PHPT1: variants seen among roughly 807,000 people sequenced by gnomAD.
PHPT1 encodes 14 kDa phosphohistidine phosphatase.
In PHPT1, 16 loss-of-function variants were observed where a neutral mutation model predicts 15.6. The ratio of observed to expected loss-of-function variants is 1.03; its 90% confidence interval spans 0.70 to 1.56. The LOEUF (loss-of-function observed/expected upper bound fraction) is 1.56. Ranked by LOEUF, PHPT1 falls within the 40% of genes most tolerant of loss-of-function variation. The probability of loss-of-function intolerance (pLI) is 0.00; values close to 1 mark genes in which losing one functional copy is unlikely to be tolerated. For missense variants in PHPT1, 228 were observed against 171.0 expected (o/e 1.33, Z -1.86); for synonymous variants, 102 against 68.1 (o/e 1.50, Z -2.45).
intron 2 of PHPT1, 181 bp from the exon 3 acceptor site, chr9:136,850,574 T>C (rs747693969): frequency 1.2e-6 from 2 of 1,609,428 alleles, no homozygotes; most frequent in Admixed American, 3.4e-5. Flanking sequence ...TGCTTGCCTG[T>C]GGAGGTCGCC....
chr9:136,850,149 C>T lies in PHPT1; in HGVS notation c.285+12C>T, dbSNP rs1350293152. The T allele has an allele frequency of 1.9e-6, 3 of 1,612,902 alleles. No individual in the cohort carries two copies. Among genetic ancestry groups the T allele is most frequent in the Admixed American group, 3.3e-5 (2 of 60,012 alleles). On this transcript the variant is annotated intron_variant, in intron 2 of 2. Coordinates refer to ENST00000247665, the MANE Select transcript of PHPT1 (RefSeq NM_014172.6). Reference sequence around the variant, plus strand: ...ACGGCTATTCCATGGTGAGCCGCAGCCCCGTCCCGCCCTGCCGGAGGCCCC... The same window carrying T: ...ACGGCTATTCCATGGTGAGCCGCAGTCCCGTCCCGCCCTGCCGGAGGCCCC...
chr9:136,850,504 A>C (rs780492147), intron 2 of PHPT1: 4 of 1,611,722 alleles, frequency 2.5e-6, no homozygotes, highest in Non-Finnish European at 3.4e-6. Flanking sequence ...AACCACCAGC[A>C]GATGAGACCC....
At chr9:136,849,850 A>G (rs1588386610) in intron 1 of PHPT1, 163 bp from the exon 2 acceptor site, 2 of 820,672 alleles carry the variant, frequency 2.4e-6, no homozygotes, top group East Asian at 5.0e-5. Context: ...CCCCGGTTCC[A>G]CCCTCCTTCG....
At chr9:136,849,967 T>C in intron 1 of PHPT1, 46 bp from the exon 2 acceptor site, 2 of 1,583,956 alleles carry the variant, frequency 1.3e-6, no homozygotes, top group Admixed American at 3.4e-5. Context: ...TCCCGCGGCC[T>C]CCAAGGGCGG....
chr9:136,849,853 C>T, intron 1 of PHPT1, 160 bp from the exon 2 acceptor site: 1 of 832,694 alleles, frequency 1.2e-6, no homozygotes, highest in South Asian at 1.7e-5. Context: ...CGGTTCCACC[C>T]TCCTTCGCTC....
In PHPT1 at chr9:136,849,505, C is replaced by T. The variant is rs1022340950; in HGVS notation, c.75C>T (p.Ile25=). The T allele has an allele frequency of 1.9e-6, 3 of 1,611,756 alleles. No individual in the cohort carries two copies. The highest frequency in any genetic ancestry group is 2.5e-6 in the Non-Finnish European group (3 of 1,179,598). ...DSDGVFKYVL[I]RVHSAPRSGA... ...ACGGCGTCTTCAAGTATGTGCTGATCCGAGTCCACTCGGCTCCCCGCTCCG... is the reference window on the plus strand; with the variant it reads ...ACGGCGTCTTCAAGTATGTGCTGATTCGAGTCCACTCGGCTCCCCGCTCCG... Residue 25 remains isoleucine, a synonymous_variant, in exon 1 of 3, where the codon ATC becomes ATT. Transcript: ENST00000247665.
intron 1 of PHPT1, 36 bp downstream of exon 1, chr9:136,849,626 C>T (rs745443368): frequency 3.0e-6 from 4 of 1,316,090 alleles, no homozygotes; most frequent in Admixed American, 2.4e-5. Context: ...CAGGGGCACG[C>T]CTGGCGAGGC....
chr9:136,850,426 G>A (rs1245326547), intron 2 of PHPT1: 4 of 1,327,042 alleles, frequency 3.0e-6, no homozygotes, highest in East Asian at 2.5e-5. Context: ...AGCACTTTGG[G>A]CCCTGGGCCC....
Position 136,849,960 on chromosome 9 carries a change from C to A in PHPT1, c.161-53C>A. 4 of 1,569,426 alleles carry A rather than the reference C, an allele frequency of 2.5e-6. No individual in the cohort carries two copies. The South Asian group carries it at 3.5e-5, about 14-fold the overall frequency. On this transcript the variant is annotated intron_variant, in intron 1 of 2. Coordinates refer to ENST00000247665, the MANE Select transcript of PHPT1 (RefSeq NM_014172.6). Reference sequence around the variant, plus strand: ...GACCCCTTCGGCTGGGAGTTCCTCCCGCGGCCTCCAAGGGCGGCCAGGGCA... The same window carrying A: ...GACCCCTTCGGCTGGGAGTTCCTCCAGCGGCCTCCAAGGGCGGCCAGGGCA...
At chr9:136,850,499 C>T (rs1588387858) in intron 2 of PHPT1, 4 of 1,611,258 alleles carry the variant, frequency 2.5e-6, no homozygotes, top group African/African-American at 1.3e-5. Flanking sequence ...ACAAAAACCA[C>T]CAGCAGATGA....
chr9:136,849,564 G>T lies in PHPT1; in HGVS notation c.134G>T (p.Arg45Leu). The T allele has an allele frequency of 6.2e-7, 1 of 1,606,656 alleles. No homozygotes were observed. Among genetic ancestry groups the T allele is most frequent in the South Asian group, 1.1e-5 (1 of 90,414 alleles). ...GCTGCAGAGAGCAAGGAGATCGTGC[G>T]CGGCTACAAGTGGGCTGAGTACCAT... ...APAAESKEIVRGYKWAEYHAD... is the reference protein window; with the variant it reads ...APAAESKEIVLGYKWAEYHAD... The change falls in exon 1 of 3, where the codon CGC (arginine) becomes CTC (leucine). Residue 45 changes from arginine (R) to leucine (L), a missense_variant. Transcript: ENST00000247665.
chr9:136,850,454 C>T, intron 2 of PHPT1: 3 of 1,525,040 alleles, frequency 2.0e-6, no homozygotes, highest in Admixed American at 1.8e-5. Context: ...CAGTCAGTAC[C>T]TGGGTGGAGC....
In PHPT1 at chr9:136,850,907, T is replaced by C; in HGVS notation, c.*60T>C. ...CCACTTCAGAGCCCCCGCCTTTGCC[T>C]GCACTCCTCTTGCAGGGCTGGCCCT... On this transcript the variant is annotated 3_prime_UTR_variant, in exon 3 of 3. Coordinates refer to ENST00000247665, the MANE Select transcript of PHPT1 (RefSeq NM_014172.6). 1 of 1,268,176 alleles carries C rather than the reference T, an allele frequency of 7.9e-7. No homozygotes were observed. The highest frequency in any genetic ancestry group is 2.3e-5 in the East Asian group (1 of 43,316). 78.6% of individuals were successfully genotyped at this position (1,268,176 alleles called of 1,614,324 possible).
intron 2 of PHPT1, chr9:136,850,484 T>G (rs770303170): frequency 6.2e-7 from 1 of 1,608,278 alleles, no homozygotes; most frequent in Non-Finnish European, 8.5e-7. Context: ...CCACCTGTGC[T>G]CTTCACAAAA....
Position 136,850,869 on chromosome 9 carries a change from C to G in PHPT1, c.*22C>G, listed in dbSNP as rs371649383. On this transcript the variant is annotated 3_prime_UTR_variant, in exon 3 of 3. Transcript: ENST00000247665. ...CTGAGCACTCCCAGCCCGGGGCCTG[C>G]TGCCTCCAGCAGCCACTTCAGAGCC... is the stretch of plus-strand genomic sequence containing the variant. 6.1e-4 allele frequency: 952 copies of G among 1,572,974 alleles called. No individual in the cohort carries two copies. Among genetic ancestry groups the G allele is most frequent in the Non-Finnish European group, 7.7e-4 (881 of 1,143,932 alleles).
At position 136,850,856 on chromosome 9, in the gene PHPT1, A is replaced by G; in HGVS notation, c.*9A>G. 6.2e-7 allele frequency: 1 copy of G among 1,606,538 alleles called. No homozygotes were observed. Among genetic ancestry groups the G allele is most frequent in the Non-Finnish European group, 8.5e-7 (1 of 1,174,226 alleles). On this transcript the variant is annotated 3_prime_UTR_variant, in exon 3 of 3. Coordinates refer to ENST00000247665, the MANE Select transcript of PHPT1 (RefSeq NM_014172.6). ...CTAACGACGGCTACTGAGCACTCCCAGCCCGGGGCCTGCTGCCTCCAGCAG... is the reference window on the plus strand; with the variant it reads ...CTAACGACGGCTACTGAGCACTCCCGGCCCGGGGCCTGCTGCCTCCAGCAG...
rs1848896344 is a variant in PHPT1, at chr9:136,850,765, C to G, written c.296C>G (p.Pro99Arg). ...TCTTCTCTTCTCCAGGCCTATGGTC[C>G]TGCCCAGCACGCCATTTCAACTGAG... ...HVYGYSMAYG[P>R]AQHAISTEKI... is the part of the protein sequence containing the mutation. The change falls in exon 3 of 3, where the codon CCT (proline) becomes CGT (arginine). Residue 99 changes from proline (P) to arginine (R), a missense_variant. Physicochemically the swap from Pro to Arg is moderately radical, Grantham distance 103. Transcript: ENST00000247665. 1 of 1,613,010 alleles carries G rather than the reference C, an allele frequency of 6.2e-7. No individual in the cohort carries two copies. Among genetic ancestry groups the G allele is most frequent in the East Asian group, 2.2e-5 (1 of 44,894 alleles).
chr9:136,850,033 T>C lies in PHPT1; in HGVS notation c.181T>C (p.Ser61Pro). ...EYHADIYDKVSGDMQKQGCDC... is the reference protein window; with the variant it reads ...EYHADIYDKVPGDMQKQGCDC... ...CCCAGCGGACATCTACGACAAAGTG[T>C]CGGGCGACATGCAGAAGCAAGGCTG... The change falls in exon 2 of 3, where the codon TCG becomes CCG. Residue 61 changes from serine to proline, a missense_variant. Physicochemically the swap from Ser to Pro is moderately conservative, Grantham distance 74. Coordinates refer to ENST00000247665, the MANE Select transcript of PHPT1 (RefSeq NM_014172.6). 1 of 1,612,784 alleles carries C rather than the reference T, an allele frequency of 6.2e-7. No homozygotes were observed. Among genetic ancestry groups the C allele is most frequent in the Non-Finnish European group, 8.5e-7 (1 of 1,179,798 alleles).
rs559819827 is a variant in PHPT1 at position 136,850,406 on chromosome 9, G to A, written c.285+269G>A. ...CCTTGGGAGGCCTTGCTGGGCTCTA[G>A]CTGTCCTCCAGCACTTTGGGCCCTG... On this transcript the variant is annotated intron_variant, in intron 2 of 2. Transcript: ENST00000247665. 4.4e-6 allele frequency: 5 copies of A among 1,137,758 alleles called. No homozygotes were observed. In the African/African-American group the frequency reaches 6.2e-5, roughly 14 times the overall value. 70.5% of individuals were successfully genotyped at this position (1,137,758 alleles called of 1,614,324 possible).
Sources: gnomAD v4.1 joint callset for allele counts on GRCh38, gnomAD v4.1.1 for gene constraint, MANE v1.5 for transcripts, NCBI Gene and HGNC (gene_info 2026-07-23, HGNC 2026-07-21) for gene names.